Variants in TAMM41 observed in about 807,000 individuals in gnomAD.
TAMM41 encodes TAM41 mitochondrial translocator assembly and maintenance homolog, also known as phosphatidate cytidylyltransferase, mitochondrial.
TAMM41 carries 36 observed loss-of-function variants against 44.1 expected under a neutral mutation model. The observed-to-expected ratio is 0.82, with a 90% confidence interval of 0.63 to 1.08. The LOEUF is 1.08. Ranked by LOEUF, TAMM41 falls within the 50% of genes least tolerant of loss-of-function variation. The pLI is 0.00. For synonymous variants in TAMM41, 164 were observed against 153.1 expected, an observed-to-expected ratio of 1.07 and a Z score of -0.53; for missense variants, 417 against 404.3, an observed-to-expected ratio of 1.03 and a Z score of -0.27.
chr3:11,830,016 G>T, intron 3 of TAMM41, 152 bp from the exon 4 acceptor site: 1 of 655,962 alleles, frequency 1.5e-6, no homozygotes, highest in Non-Finnish European at 2.5e-6. Context: ...CCTCTAATAA[G>T]TAATCCCAGA....
chr3:11,841,109 G>A (rs1442901443), intron 2 of TAMM41, among the ~76,000 whole-genome samples: 1 of 105,652 alleles, frequency 9.5e-6, no homozygotes, highest in Non-Finnish European at 1.8e-5. Context: ...TTGAGACAGA[G>A]TCTTACTCTG....
intron 7 of TAMM41, among the ~76,000 whole-genome samples, chr3:11,800,827 C>T (rs1408204746): frequency 1.3e-5 from 2 of 152,174 alleles, no homozygotes; most frequent in African/African-American, 4.8e-5. Context: ...ATTTACAGAA[C>T]ATTCTTCCCA....
At chr3:11,809,817 G>T in intron 5 of TAMM41, 135 bp from the exon 6 acceptor site, 1 of 821,794 alleles carries the variant, frequency 1.2e-6, no homozygotes. Flanking sequence ...GCAAGCTAAG[G>T]AAACTCTCTT....
chr3:11,748,167 G>C, the TAMM41 span, among the ~76,000 whole-genome samples: 1 of 151,442 alleles, frequency 6.6e-6, no homozygotes, highest in African/African-American at 2.4e-5. Context: ...GAGCCACCAC[G>C]CCCAGCCTCT....
Position 11,809,667 on chromosome 3 carries a change from C to T in TAMM41, c.724G>A (p.Glu242Lys). ...QGWLEIDKSP[E>K]GQFTQLMTLP... Reference sequence around the variant, plus strand: ...GTCATCAGCTGAGTGAACTGTCCTTCTGGGCTTTTATCTATCTGAAGGGAG... The same window carrying T: ...GTCATCAGCTGAGTGAACTGTCCTTTTGGGCTTTTATCTATCTGAAGGGAG... The change falls in exon 6 of 8, where the codon GAA becomes AAA. Residue 242 changes from glutamate to lysine, a missense_variant. Glu to Lys is a moderately conservative substitution (Grantham distance 56). Coordinates refer to ENST00000455809, the MANE Select transcript of TAMM41 (RefSeq NM_001284401.2). 1 of 1,612,154 alleles carries T rather than the reference C, an allele frequency of 6.2e-7. No individual in the cohort carries two copies. The highest frequency in any genetic ancestry group is 1.7e-5 in the Admixed American group (1 of 59,386).
intron 7 of TAMM41, among the ~76,000 whole-genome samples, chr3:11,792,641 CT>C (rs2077507002): frequency 6.6e-6 from 1 of 152,102 alleles, no homozygotes; most frequent in Non-Finnish European, 1.5e-5. Flanking sequence ...AGGTGGAGAA[CT>C]TAAATTTCAT....
intron 5 of TAMM41, among the ~76,000 whole-genome samples, chr3:11,816,708 G>C (rs2078291433): frequency 6.6e-6 from 1 of 152,134 alleles, no homozygotes; most frequent in African/African-American, 2.4e-5. Flanking sequence ...GGGGTGTTGA[G>C]GCTGCAGTAA....
intron 1 of TAMM41, among the ~76,000 whole-genome samples, chr3:11,845,890 C>T (rs2079661800): frequency 6.6e-6 from 1 of 152,246 alleles, no homozygotes; most frequent in Non-Finnish European, 1.5e-5. Context: ...GTTAAAAGTG[C>T]TGAGCGAGGG....
At chr3:11,841,797 TA>T (rs1290000859) in intron 2 of TAMM41, among the ~76,000 whole-genome samples, 3 of 151,932 alleles carry the variant, frequency 2.0e-5, no homozygotes, top group Admixed American at 6.6e-5. Flanking sequence ...CACTGGGAGG[TA>T]ACAGAAACAC....
chr3:11,844,742 C>T (rs402731), intron 1 of TAMM41: 140,482 of 340,208 alleles, frequency 0.41, 30,547 homozygotes, highest in Middle Eastern at 0.55. Flanking sequence ...GTTATTTTAT[C>T]TCTTACCTAT....
the TAMM41 span, among the ~76,000 whole-genome samples, chr3:11,780,376 C>T: frequency 6.6e-6 from 1 of 152,198 alleles, no homozygotes; most frequent in South Asian, 2.1e-4. Context: ...ACTCTTCCTT[C>T]TCCTCTGGCT....
At chr3:11,746,137 A>G in the TAMM41 span, among the ~76,000 whole-genome samples, 27 of 150,448 alleles carry the variant, frequency 1.8e-4, no homozygotes, top group Admixed American at 7.9e-4. Flanking sequence ...CGTCTCTACT[A>G]AAAATACAAA....
intron 3 of TAMM41, among the ~76,000 whole-genome samples, chr3:11,836,588 C>T (rs995797204): frequency 7.2e-5 from 11 of 152,200 alleles, no homozygotes; most frequent in Non-Finnish European, 1.5e-4. Flanking sequence ...CTCAGCCTCC[C>T]GAATGGCTGG....
intron 7 of TAMM41, among the ~76,000 whole-genome samples, chr3:11,793,512 C>T (rs2077535173): frequency 2.6e-5 from 4 of 152,194 alleles, no homozygotes; most frequent in Admixed American, 2.6e-4. Context: ...GGAATGCATA[C>T]ACCCACCCAC....
the TAMM41 span, among the ~76,000 whole-genome samples, chr3:11,761,174 A>G: frequency 6.6e-6 from 1 of 151,904 alleles, no homozygotes; most frequent in African/African-American, 2.4e-5. Flanking sequence ...TCAAAAAAAA[A>G]AAAAAAATCA....
chr3:11,829,904 T>G (rs2078914529), intron 3 of TAMM41, 40 bp from the exon 4 acceptor site: 1 of 1,600,136 alleles, frequency 6.2e-7, no homozygotes, highest in Non-Finnish European at 8.5e-7. Context: ...ATTCCAGAAG[T>G]GGAGTATTGC....
the TAMM41 span, among the ~76,000 whole-genome samples, chr3:11,757,349 G>A: frequency 5.3e-5 from 8 of 152,210 alleles, no homozygotes; most frequent in Non-Finnish European, 7.3e-5. Context: ...CAGGGAACAA[G>A]AGCACTGTTC....
the TAMM41 span, among the ~76,000 whole-genome samples, chr3:11,783,393 C>T: frequency 6.6e-6 from 1 of 151,588 alleles, no homozygotes; most frequent in African/African-American, 2.4e-5. Context: ...GTATGACTAG[C>T]CACCTTTGGT....
chr3:11,831,225 T>C (rs2078969924), intron 3 of TAMM41, among the ~76,000 whole-genome samples: 1 of 152,194 alleles, frequency 6.6e-6, no homozygotes. Flanking sequence ...TATTATCGGA[T>C]GCAACTCCCA....
Sources: allele counts gnomAD v4.1 joint callset (sites outside exome capture counted in the v4.1 genomes callset), GRCh38; gene constraint gnomAD v4.1.1; transcripts MANE v1.5; gene names NCBI Gene and HGNC (gene_info 2026-07-23, HGNC 2026-07-21).